The following WDR44 variants were observed in gnomAD, a reference collection of about 807,000 sequenced individuals.
WDR44 encodes WD repeat-containing protein 44.
Under a neutral mutation model 65.7 loss-of-function variants are expected in WDR44, and 9 were observed. The observed-to-expected ratio is 0.14, with a 90% confidence interval of 0.08 to 0.24. WDR44 has a LOEUF of 0.24. Ranked by LOEUF, WDR44 falls within the 10% of genes least tolerant of loss-of-function variation. The pLI, the probability that WDR44 is intolerant of heterozygous loss-of-function variation, is 1.00. For missense variants in WDR44, 425 were observed against 670.9 expected (o/e 0.63, Z 4.05); for synonymous variants, 220 against 235.2 (o/e 0.94, Z 0.59).
chrX:118,441,542 A>G lies in WDR44; in HGVS notation c.2149A>G (p.Ile717Val), dbSNP rs2057305426. The part of the protein sequence containing the change: ...AVIGTYDGRC[I>V]FYDTEHLKYH... Reference sequence around the variant, plus strand: ...GATTGGGACATATGATGGCAGATGTATTTTCTATGATACAGAGGTAAATGA... The same window carrying G: ...GATTGGGACATATGATGGCAGATGTGTTTTCTATGATACAGAGGTAAATGA... The change falls in exon 15 of 20, where the codon ATT becomes GTT. Residue 717 changes from isoleucine to valine, a missense_variant. Transcript: ENST00000254029. The G allele has an allele frequency of 8.3e-7, 1 of 1,203,146 alleles. No individual in the cohort carries two copies. The highest frequency in any genetic ancestry group is 2.2e-5 in the Admixed American group (1 of 45,478).
chrX:118,428,596 G>C (rs1041954024), intron 12 of WDR44, among the ~76,000 whole-genome samples: 7 of 111,751 alleles, frequency 6.3e-5, no homozygotes, highest in Non-Finnish European at 1.3e-4. Flanking sequence ...TAAAACAAAT[G>C]GAAGAGGGGA....
At position 118,382,791 on chromosome X, in the gene WDR44, C is replaced by T. The variant is rs150717629; in HGVS notation, c.111+4339C>T. Among the ~76,000 whole-genome samples, 42 of 111,918 alleles carry T rather than the reference C, an allele frequency of 3.8e-4. 2 individuals carry two copies. The East Asian group carries it at 0.012, about 31-fold the overall frequency. On this transcript the variant is annotated intron_variant, in intron 2 of 19. Coordinates refer to ENST00000254029, the MANE Select transcript of WDR44 (RefSeq NM_019045.5). ...GCTGAAAATTGAATAAGCTACCATA[C>T]CTTTTAAGGAAGCAAATTTTTGATA...
chrX:118,368,629 C>G (rs1264593116), intron 1 of WDR44, among the ~76,000 whole-genome samples: 2 of 104,795 alleles, frequency 1.9e-5, no homozygotes, highest in Non-Finnish European at 3.9e-5. Context: ...CACAGGGCAG[C>G]TAGAGGGGAG....
chrX:118,368,939 G>C (rs1358631328), intron 1 of WDR44, among the ~76,000 whole-genome samples: 1 of 107,258 alleles, frequency 9.3e-6, no homozygotes, highest in African/African-American at 3.4e-5. Flanking sequence ...CATTGGCCAG[G>C]CTGGTCTCAA....
In WDR44 at chrX:118,346,518, C is replaced by G. The variant is rs1396350175; in HGVS notation, c.15C>G (p.Ser5Arg). The change falls in exon 1 of 20, where the codon AGC becomes AGG. Residue 5 changes from serine (S) to arginine (R), a missense_variant. Coordinates refer to ENST00000254029, the MANE Select transcript of WDR44 (RefSeq NM_019045.5). MASE[S>R]DTEEFYDAPE... ...GTGTCCTATAAATGGCGTCGGAAAGCGACACCGAGGAATTCTATGATGCCC... is the reference window on the plus strand; with the variant it reads ...GTGTCCTATAAATGGCGTCGGAAAGGGACACCGAGGAATTCTATGATGCCC... 1 of 1,205,282 alleles carries G rather than the reference C, an allele frequency of 8.3e-7. No homozygotes were observed. The highest frequency in any genetic ancestry group is 1.8e-5 in the African/African-American group (1 of 56,548).
intron 8 of WDR44, 119 bp downstream of exon 8, chrX:118,398,589 TC>T: frequency 1.8e-6 from 1 of 566,354 alleles, no homozygotes; most frequent in Admixed American, 3.5e-5. Flanking sequence ...CCACCATTCC[TC>T]CCTGTCCCTC....
At chrX:118,369,258 G>A (rs914416458) in intron 1 of WDR44, among the ~76,000 whole-genome samples, 3 of 109,355 alleles carry the variant, frequency 2.7e-5, no homozygotes, top group Non-Finnish European at 5.7e-5. Context: ...TGCAAGCTCC[G>A]CCTCCCGGGT....
At chrX:118,376,774 C>T (rs1401297059) in intron 1 of WDR44, among the ~76,000 whole-genome samples, 9 of 110,689 alleles carry the variant, frequency 8.1e-5, no homozygotes, top group African/African-American at 3.0e-4. Flanking sequence ...GAAGATGAGG[C>T]GGGTGGATTG....
intron 1 of WDR44, among the ~76,000 whole-genome samples, chrX:118,374,788 A>T (rs34629741): frequency 1.3e-3 from 144 of 111,684 alleles, no homozygotes; most frequent in African/African-American, 4.4e-3. Flanking sequence ...CTACACTATC[A>T]TGTGTGTCCC....
chrX:118,357,216 T>A (rs1272360459), intron 1 of WDR44, among the ~76,000 whole-genome samples: 1 of 111,610 alleles, frequency 9.0e-6, no homozygotes, highest in East Asian at 2.8e-4. Flanking sequence ...AATAAAGTAC[T>A]TAATGGCAGA....
intron 2 of WDR44, among the ~76,000 whole-genome samples, chrX:118,381,294 C>T (rs1036447283): frequency 9.0e-6 from 1 of 110,701 alleles, no homozygotes; most frequent in African/African-American, 3.3e-5. Flanking sequence ...CATGGTGAAA[C>T]TCCATCTTTA....
intron 1 of WDR44, among the ~76,000 whole-genome samples, chrX:118,353,759 A>G (rs1040690911): frequency 1.4e-4 from 16 of 112,057 alleles, no homozygotes; most frequent in African/African-American, 5.2e-4. Context: ...TAGGAAATAT[A>G]TTTGCAAATG....
intron 12 of WDR44, among the ~76,000 whole-genome samples, chrX:118,423,818 T>G (rs759194179): frequency 8.9e-6 from 1 of 112,202 alleles, no homozygotes; most frequent in Non-Finnish European, 1.9e-5. Flanking sequence ...AGTTTGTTGT[T>G]TCTAGATTCA....
At chrX:118,404,226 A>T (rs1053754880) in intron 8 of WDR44, 112 bp from the exon 9 acceptor site, 13 of 512,796 alleles carry the variant, frequency 2.5e-5, no homozygotes, top group Admixed American at 1.3e-4. Context: ...ATTTATGTTT[A>T]AAAAAGTTAT....
chrX:118,378,735 T>TGTGTGTGTGTGTGTGTGTGTG (rs1556057149), intron 2 of WDR44, among the ~76,000 whole-genome samples: 12 of 106,447 alleles, frequency 1.1e-4, no homozygotes, highest in South Asian at 4.1e-4. Flanking sequence ...TGTGTGTGTG[T>TGTGTGTGTGTGTGTGTGTGTG]TGAAAAAGTG....
chrX:118,440,942 A>G (rs1370170345), intron 14 of WDR44, among the ~76,000 whole-genome samples: 1 of 100,583 alleles, frequency 9.9e-6, no homozygotes, highest in Non-Finnish European at 2.0e-5. Context: ...AAATTTTTAA[A>G]TGAAATCTTT....
intron 12 of WDR44, among the ~76,000 whole-genome samples, chrX:118,424,392 A>G (rs1228383608): frequency 1.0e-5 from 1 of 100,408 alleles, no homozygotes; most frequent in African/African-American, 3.8e-5. Flanking sequence ...GAGGTGATAT[A>G]TCATTGTGGT....
intron 1 of WDR44, among the ~76,000 whole-genome samples, chrX:118,350,210 A>G (rs2056392836): frequency 8.9e-6 from 1 of 112,131 alleles, no homozygotes; most frequent in African/African-American, 3.2e-5. Flanking sequence ...TAGAAGGGAC[A>G]TCTAGTTAAA....
At chrX:118,417,849 C>T (rs1330188353) in intron 12 of WDR44, among the ~76,000 whole-genome samples, 2 of 111,635 alleles carry the variant, frequency 1.8e-5, no homozygotes, top group Non-Finnish European at 3.8e-5. Context: ...TAACATAATC[C>T]CAGACCTCGT....
Sources: gnomAD v4.1 joint callset for allele counts (sites outside exome capture counted in the v4.1 genomes callset) on GRCh38, gnomAD v4.1.1 for gene constraint, MANE v1.5 for transcripts, NCBI Gene and HGNC (gene_info 2026-07-23, HGNC 2026-07-21) for gene names.